PASK: variants seen among roughly 807,000 people sequenced by gnomAD.
PASK encodes PAS domain-containing serine/threonine-protein kinase.
In PASK, 110 loss-of-function variants were observed where a neutral mutation model predicts 121.0. The observed-to-expected ratio is 0.91, with a 90% CI of 0.78 to 1.06. PASK has a LOEUF of 1.06. Among genes scored for constraint, PASK ranks in the 50% least tolerant of loss-of-function variants. The pLI is 0.00. For synonymous variants in PASK, 686 were observed against 717.8 expected (o/e 0.96, Z 0.71); for missense variants, 1,643 against 1,702.3 (o/e 0.97, Z 0.61).
At chr2:241,114,504 GCCTT>G in intron 14 of PASK, 1 of 1,000,194 alleles carries the variant, frequency 1.0e-6, no homozygotes, top group Non-Finnish European at 1.2e-6. Flanking sequence ...CTGCTAGGGT[GCCTT>G]CCTATTTGGA....
chr2:241,133,031 C>A lies in PASK; in HGVS notation c.1307-1G>T, dbSNP rs2125441011. The stretch of plus-strand genomic sequence containing the variant: ...GCAAGCACGACATTAATCCTTGGAT[C>A]TGGCAGCAACACCAAAAAAGAGCGT... On this transcript the variant is annotated splice_acceptor_variant, in intron 8 of 17. Transcript: ENST00000234040. LOFTEE classifies it high-confidence loss of function. The A allele has an allele frequency of 6.2e-7, 1 of 1,614,110 alleles. No individual in the cohort carries two copies. The highest frequency in any genetic ancestry group is 8.5e-7 in the Non-Finnish European group (1 of 1,179,972).
At position 241,122,900 on chromosome 2, in the gene PASK, C is replaced by G; in HGVS notation, c.2905-1G>C. ...CAAACCAGGGTCTGGCTCTGAGCAC[C>G]TGCAATGCAGAAGAAGGTCTGTGGG... is the stretch of plus-strand genomic sequence containing the variant. On this transcript the variant is annotated splice_acceptor_variant, in intron 11 of 17. Coordinates refer to ENST00000234040, the MANE Select transcript of PASK (RefSeq NM_015148.4). LOFTEE classifies it high-confidence loss of function. 2.5e-6 allele frequency: 4 copies of G among 1,613,724 alleles called. No homozygotes were observed. Among genetic ancestry groups the G allele is most frequent in the Non-Finnish European group, 3.4e-6 (4 of 1,179,728 alleles).
rs2064960982 is a variant in PASK at position 241,108,102 on chromosome 2, G to A, written c.3667+65C>T. 2 of 1,541,526 alleles carry A rather than the reference G, an allele frequency of 1.3e-6. No homozygotes were observed. Among genetic ancestry groups the A allele is most frequent in the Admixed American group, 1.7e-5 (1 of 59,916 alleles). Reference sequence around the variant, plus strand: ...AGATACACTGAGGAATGAGGAAATGGGAAAAAAAAGTGGCTGGTCTCTAAG... The same window carrying A: ...AGATACACTGAGGAATGAGGAAATGAGAAAAAAAAGTGGCTGGTCTCTAAG... On this transcript the variant is annotated intron_variant, in intron 16 of 17. Transcript: ENST00000234040. The surrounding 1 kb of genome is among the most constrained non-coding windows in gnomAD (Gnocchi z 5.2).
At chr2:241,114,042 A>G (rs2065224812) in intron 14 of PASK, 1 of 984,766 alleles carries the variant, frequency 1.0e-6, no homozygotes. Context: ...TAGCCCCAGA[A>G]TTAACAGCTG....
rs1211698103 is a variant in PASK at position 241,140,683 on chromosome 2, G to A, written c.267C>T (p.Cys89=). The change falls in exon 3 of 18, where the codon TGC becomes TGT. Residue 89 remains cysteine (C), a synonymous_variant. Coordinates refer to ENST00000234040, the MANE Select transcript of PASK (RefSeq NM_015148.4). ...GGTCCGTGTGCTCAGGGGCAGCAGG[G>A]CAGTGCAGTTTACTTGTACAAATAT... is the stretch of plus-strand genomic sequence containing the variant. ...AQNICTSKLH[C]PAAPEHTDPS... is the part of the protein sequence containing the mutation. The A allele has an allele frequency of 6.2e-7, 1 of 1,614,070 alleles. No individual in the cohort carries two copies. The highest frequency in any genetic ancestry group is 8.5e-7 in the Non-Finnish European group (1 of 1,179,920).
At chr2:241,144,422 T>C (rs1306812529) in intron 1 of PASK, among the ~76,000 whole-genome samples, 1 of 152,128 alleles carries the variant, frequency 6.6e-6, no homozygotes, top group Non-Finnish European at 1.5e-5. Flanking sequence ...CTGTGGCCAA[T>C]ACCAGAACCA....
At chr2:241,136,113 G>A (rs1336611629) in intron 7 of PASK, 74 bp from the exon 8 acceptor site, 5 of 1,307,694 alleles carry the variant, frequency 3.8e-6, no homozygotes, top group Non-Finnish European at 5.5e-6. Flanking sequence ...CCCTGGGGGA[G>A]GAATGAACAC....
chr2:241,141,146 G>A (rs1205259954), intron 2 of PASK, among the ~76,000 whole-genome samples: 1 of 152,152 alleles, frequency 6.6e-6, no homozygotes, highest in Non-Finnish European at 1.5e-5. Flanking sequence ...AATCAGTTGG[G>A]CATAGTGGCG....
chr2:241,108,887 T>A lies in PASK; in HGVS notation c.3534-587A>T, dbSNP rs539847412. The A allele has an allele frequency of 1.1e-5, 2 of 179,456 alleles. No individual in the cohort carries two copies. Among genetic ancestry groups the A allele is most frequent in the Admixed American group, 1.1e-4 (2 of 18,410 alleles). 11.1% of individuals were successfully genotyped at this position (179,456 alleles called of 1,614,324 possible). On this transcript the variant is annotated intron_variant, in intron 15 of 17. Transcript: ENST00000234040. This position sits in a 1 kb window ranked among gnomAD's most constrained non-coding sequence, Gnocchi z 5.2. ...GTGGGTGTTCACACAGTGGGCCAAA[T>A]GGAGGAGCAAGCTTCAGGGAGAAGA... is the stretch of plus-strand genomic sequence containing the variant.
intron 7 of PASK, 136 bp from the exon 8 acceptor site, chr2:241,136,175 G>A: frequency 1.3e-6 from 1 of 783,912 alleles, no homozygotes; most frequent in Non-Finnish European, 2.3e-6. Flanking sequence ...AAGGCCTCGG[G>A]CCAAATGCCC....
intron 5 of PASK, 142 bp downstream of exon 5, chr2:241,138,512 G>A (rs750213920): frequency 4.2e-5 from 39 of 934,228 alleles, no homozygotes; most frequent in South Asian, 2.1e-4. Context: ...CGCAATCAGC[G>A]AGGGTACCAC....
chr2:241,146,607 T>C (rs1243413293), intron 1 of PASK, among the ~76,000 whole-genome samples: 3 of 152,232 alleles, frequency 2.0e-5, no homozygotes, highest in East Asian at 1.9e-4. Context: ...CTTAGCCATA[T>C]ACGAGTGGAA....
chr2:241,149,086 G>A (rs779503394), intron 1 of PASK, among the ~76,000 whole-genome samples: 4 of 152,082 alleles, frequency 2.6e-5, no homozygotes, highest in African/African-American at 7.2e-5. Context: ...CGGCTGCGGT[G>A]AAGAGAGCGC....
intron 5 of PASK, 111 bp from the exon 6 acceptor site, chr2:241,138,198 A>G: frequency 1.8e-6 from 2 of 1,093,914 alleles, no homozygotes; most frequent in Non-Finnish European, 2.7e-6. Context: ...TGACTTCTCC[A>G]TCGGAAGGGC....
At chr2:241,125,611 A>G (rs2065819205) in intron 10 of PASK, among the ~76,000 whole-genome samples, 1 of 40,078 alleles carries the variant, frequency 2.5e-5, no homozygotes, top group Admixed American at 2.1e-4. Context: ...AAAAAAAAGA[A>G]AAAAAAAAAA....
At chr2:241,124,793 GA>G (rs1329658826) in intron 10 of PASK, among the ~76,000 whole-genome samples, 5 of 152,056 alleles carry the variant, frequency 3.3e-5, no homozygotes, top group Admixed American at 6.5e-5. Flanking sequence ...TTAAGTGTAA[GA>G]AAAAAACCCT....
chr2:241,144,205 C>T (rs766055899), intron 1 of PASK, among the ~76,000 whole-genome samples: 1 of 152,192 alleles, frequency 6.6e-6, no homozygotes, highest in Non-Finnish European at 1.5e-5. Context: ...CACATGTATA[C>T]ATTCATGTGA....
intron 15 of PASK, among the ~76,000 whole-genome samples, chr2:241,111,546 A>T (rs1413524476): frequency 6.6e-6 from 1 of 152,222 alleles, no homozygotes; most frequent in Non-Finnish European, 1.5e-5. Context: ...ACGTCAGCAG[A>T]CAGTCTCCAC....
rs754842914 is a variant in PASK, at chr2:241,126,391, C to G, written c.2524G>C (p.Glu842Gln). ...SSEHYAASDR[E>Q]SPGHVPSTLD... ...GTGGAAGGAACGTGTCCTGGGCTTT[C>G]TCTGTCGCTTGCTGCATAATGCTCA... Residue 842 changes from glutamate to glutamine, a missense_variant, in exon 10 of 18, where the codon GAA becomes CAA. By Grantham distance (29) the Glu-to-Gln change is conservative. Around this residue, in one of 3 missense-constraint regions of PASK, gnomAD observed 1,176 missense variants for 1,162.2 expected, o/e 1.01. Coordinates refer to ENST00000234040, the MANE Select transcript of PASK (RefSeq NM_015148.4). 6.2e-7 allele frequency: 1 copy of G among 1,614,280 alleles called. No homozygotes were observed. The highest frequency in any genetic ancestry group is 1.1e-5 in the South Asian group (1 of 91,090).
Sources: allele counts gnomAD v4.1 joint callset (sites outside exome capture counted in the v4.1 genomes callset), GRCh38; gene constraint gnomAD v4.1.1; regional missense constraint gnomAD v4.1.1; non-coding constraint Gnocchi (gnomAD v3.1); transcripts MANE v1.5; gene names NCBI Gene and HGNC (gene_info 2026-07-23, HGNC 2026-07-21).